Variants in TRMT2B observed in about 807,000 individuals in gnomAD.
The protein encoded by TRMT2B is tRNA methyltransferase 2B, also known as tRNA (uracil-5-)-methyltransferase homolog B.
A neutral mutation model predicts 39.7 loss-of-function variants in TRMT2B; 34 were observed. That is an observed-to-expected ratio of 0.86 (90% confidence interval 0.65 to 1.14). The LOEUF (loss-of-function observed/expected upper bound fraction) is 1.14. TRMT2B is among the 50% of genes most tolerant of loss of function. The probability of loss-of-function intolerance (pLI) is 0.00; values close to 1 mark genes in which losing one functional copy is unlikely to be tolerated. For missense variants in TRMT2B, 318 were observed against 377.2 expected, an observed-to-expected ratio of 0.84 and a Z score of 1.30; for synonymous variants, 132 against 137.3, an observed-to-expected ratio of 0.96 and a Z score of 0.27.
intron 12 of TRMT2B, 29 bp downstream of exon 12, chrX:101,019,255 G>A: frequency 8.3e-7 from 1 of 1,210,297 alleles, no homozygotes; most frequent in Non-Finnish European, 1.1e-6. Flanking sequence ...GACAATACTG[G>A]GAACATCAAA....
At chrX:101,036,063 T>G (rs761690415) in intron 6 of TRMT2B, among the ~76,000 whole-genome samples, 1 of 111,895 alleles carries the variant, frequency 8.9e-6, no homozygotes, top group African/African-American at 3.2e-5. Flanking sequence ...CCTAACGAAC[T>G]GTAGTTTAAG....
intron 7 of TRMT2B, among the ~76,000 whole-genome samples, chrX:101,024,252 G>A (rs955811163): frequency 8.9e-6 from 1 of 111,773 alleles, no homozygotes; most frequent in Admixed American, 9.6e-5. Context: ...TATGCAAGCC[G>A]AGGAGGGAGG....
the TRMT2B span, among the ~76,000 whole-genome samples, chrX:101,000,988 C>A: frequency 9.0e-6 from 1 of 110,956 alleles, no homozygotes; most frequent in Non-Finnish European, 1.9e-5. Flanking sequence ...ATTAGATTGC[C>A]CTAGCCCCAG....
At chrX:101,027,918 A>C (rs1329400199) in intron 7 of TRMT2B, among the ~76,000 whole-genome samples, 3 of 106,442 alleles carry the variant, frequency 2.8e-5, no homozygotes, top group African/African-American at 1.0e-4. Flanking sequence ...TGCTCTACAC[A>C]AAACACCTGG....
chrX:100,992,911 C>G, the TRMT2B span, among the ~76,000 whole-genome samples: 1 of 111,744 alleles, frequency 8.9e-6, no homozygotes, highest in South Asian at 3.8e-4. Flanking sequence ...TCTCACCAAG[C>G]AGTATAAATG....
chrX:100,978,664 G>A, the TRMT2B span, among the ~76,000 whole-genome samples: 2 of 109,515 alleles, frequency 1.8e-5, no homozygotes, highest in Non-Finnish European at 3.8e-5. Context: ...TATGTCTTTT[G>A]ATTGGAGAGT....
the TRMT2B span, chrX:100,985,992 G>T: frequency 9.1e-7 from 1 of 1,102,864 alleles, no homozygotes; most frequent in South Asian, 2.2e-5. Flanking sequence ...AGGGTGGGGT[G>T]GTCCCTTTGT....
rs190707360 is a variant in TRMT2B at position 101,035,694 on chromosome X, A to C, written c.539-11T>G. ...AGACAACGTTCCCATCTATGGAAAG[A>C]AAAATAATTTGCATGGTTTTATTCT... On this transcript the variant is annotated splice_polypyrimidine_tract_variant and intron_variant, in intron 6 of 13. Coordinates refer to ENST00000372936, the MANE Select transcript of TRMT2B (RefSeq NM_024917.6). 1,152 of 1,186,710 alleles carry C rather than the reference A, an allele frequency of 9.7e-4. 4 individuals are homozygous for C. In the African/African-American group the frequency reaches 0.014, roughly 15 times the overall value.
the TRMT2B span, chrX:100,988,505 G>T: frequency 3.4e-6 from 4 of 1,168,227 alleles, no homozygotes; most frequent in East Asian, 9.6e-5. Context: ...TGCTACAATT[G>T]AAGGAGTGGC....
At chrX:100,993,154 A>C in the TRMT2B span, among the ~76,000 whole-genome samples, 1 of 112,019 alleles carries the variant, frequency 8.9e-6, no homozygotes, top group Non-Finnish European at 1.9e-5. Flanking sequence ...TGTTGTTATA[A>C]AAATGAGGAA....
At chrX:100,984,118 GT>G in the TRMT2B span, among the ~76,000 whole-genome samples, 20 of 97,926 alleles carry the variant, frequency 2.0e-4, no homozygotes, top group South Asian at 4.7e-4. Flanking sequence ...TTTGTTTTTT[GT>G]TTTTTTTTTT....
chrX:101,009,683 G>T lies in TRMT2B; in HGVS notation c.*898C>A, dbSNP rs1216402240. The T allele has an allele frequency of 9.8e-6, 1 of 102,376 alleles. No individual in the cohort carries two copies. Among genetic ancestry groups the T allele is most frequent in the African/African-American group, 3.6e-5 (1 of 28,020 alleles). The allele number at this position is 102,376 out of a possible 1,213,427, so 8.4% of individuals were successfully genotyped here. A position where few individuals can be genotyped will look rare whatever the true frequency, so the allele number is the denominator to read the frequency against. Reference sequence around the variant, plus strand: ...AGCCTCCCGAGTAGCTGGGATTACAGGTGCCCACCACCAGGGAAAACTACA... The same window carrying T: ...AGCCTCCCGAGTAGCTGGGATTACATGTGCCCACCACCAGGGAAAACTACA... On this transcript the variant is annotated 3_prime_UTR_variant, in exon 14 of 14. Transcript: ENST00000372936.
At chrX:100,991,051 A>G in the TRMT2B span, among the ~76,000 whole-genome samples, 1 of 111,959 alleles carries the variant, frequency 8.9e-6, no homozygotes, top group Admixed American at 9.5e-5. Context: ...GGTAGTAGTT[A>G]TTTACCATTA....
At chrX:100,982,727 G>C in the TRMT2B span, among the ~76,000 whole-genome samples, 279 of 106,053 alleles carry the variant, frequency 2.6e-3, 1 homozygote, top group African/African-American at 8.9e-3. Flanking sequence ...GTGATCATGG[G>C]TCACTACAGC....
chrX:101,020,487 C>T lies in TRMT2B; in HGVS notation c.1168G>A (p.Gly390Ser). 8.4e-7 allele frequency: 1 copy of T among 1,191,482 alleles called. No homozygotes were observed. Among genetic ancestry groups the T allele is most frequent in the Non-Finnish European group, 1.1e-6 (1 of 877,606 alleles). Residue 390 changes from glycine (G) to serine (S), a missense_variant and splice_region_variant, in exon 11 of 14, where the codon GGC (glycine) becomes AGC (serine). Gly to Ser is a moderately conservative substitution (Grantham distance 56). Coordinates refer to ENST00000372936, the MANE Select transcript of TRMT2B (RefSeq NM_024917.6). Reference sequence around the variant, plus strand: ...TCTACACAGACTGTAAGCTGTGTACCATTGAAGGCTGCAGTCCATCTTGCA... The same window carrying T: ...TCTACACAGACTGTAAGCTGTGTACTATTGAAGGCTGCAGTCCATCTTGCA... ...EDARWTAAFN[G>S]ITNSEFHTGQ...
chrX:101,015,345 TAGC>T (rs1331414803), intron 13 of TRMT2B, among the ~76,000 whole-genome samples: 1 of 111,836 alleles, frequency 8.9e-6, no homozygotes, highest in African/African-American at 3.3e-5. Flanking sequence ...TCCATAGGGA[TAGC>T]ACCAACTTAC....
At chrX:100,977,923 T>C in the TRMT2B span, among the ~76,000 whole-genome samples, 6 of 112,189 alleles carry the variant, frequency 5.3e-5, no homozygotes, top group African/African-American at 1.9e-4. Context: ...GACTCTTAGG[T>C]TGCTTCCAAA....
chrX:101,031,347 A>T (rs1166254540), intron 7 of TRMT2B, among the ~76,000 whole-genome samples: 1 of 112,183 alleles, frequency 8.9e-6, no homozygotes, highest in Non-Finnish European at 1.9e-5. Context: ...CCATTATAAA[A>T]GACAATGCCC....
At chrX:100,979,071 T>C in the TRMT2B span, among the ~76,000 whole-genome samples, 1 of 111,996 alleles carries the variant, frequency 8.9e-6, no homozygotes, top group Non-Finnish European at 1.9e-5. Flanking sequence ...TTATATCTTA[T>C]TATACTGTCT....
Sources: allele counts gnomAD v4.1 joint callset (sites outside exome capture counted in the v4.1 genomes callset), GRCh38; gene constraint gnomAD v4.1.1; transcripts MANE v1.5; gene names NCBI Gene and HGNC (gene_info 2026-07-23, HGNC 2026-07-21).